SGK1: variants seen among roughly 807,000 people sequenced by gnomAD.
SGK1 encodes serine/threonine-protein kinase Sgk1.
In SGK1, 26 loss-of-function variants were observed where a neutral mutation model predicts 64.2. The observed-to-expected ratio is 0.40, with a 90% CI of 0.30 to 0.56. The LOEUF is 0.56. Among genes scored for constraint, SGK1 ranks in the 20% least tolerant of loss-of-function variants. The pLI, the probability that SGK1 is intolerant of heterozygous loss-of-function variation, is 0.38. For synonymous variants in SGK1, 265 were observed against 239.7 expected, an observed-to-expected ratio of 1.11 and a Z score of -0.98; for missense variants, 519 against 645.6, an observed-to-expected ratio of 0.80 and a Z score of 2.12.
intron 12 of SGK1, 39 bp downstream of exon 12, chr6:134,170,984 G>C: frequency 8.1e-6 from 13 of 1,612,162 alleles, no homozygotes; most frequent in Non-Finnish European, 1.1e-5. Flanking sequence ...TCTAGTGCAC[G>C]TCCCGGCCGG....
At chr6:134,177,980 T>C (rs1202886339) in intron 3 of SGK1, 4 of 685,230 alleles carry the variant, frequency 5.8e-6, no homozygotes, top group Non-Finnish European at 9.6e-6. Context: ...GTCATCAGTG[T>C]CCTAGCTTTA....
intron 1 of SGK1, among the ~76,000 whole-genome samples, chr6:134,309,141 T>C (rs1337760661): frequency 6.6e-6 from 1 of 152,222 alleles, no homozygotes; most frequent in Admixed American, 6.5e-5. Context: ...TTTTGGCACC[T>C]CGAACTACCA....
Position 134,293,407 on chromosome 6 carries a change from C to G in SGK1, c.69+23985G>C, listed in dbSNP as rs144115695. On this transcript the variant is annotated intron_variant, in intron 1 of 13. Transcript: ENST00000367858. Reference sequence around the variant, plus strand: ...AACTACTATTAAAAAGAAAAACAAGCAAAAACACCTAGGCTGTATGATTGA... The same window carrying G: ...AACTACTATTAAAAAGAAAAACAAGGAAAAACACCTAGGCTGTATGATTGA... Among the ~76,000 whole-genome samples the G allele has an allele frequency of 4.3e-3, 650 of 152,138 alleles. 5 individuals carry two copies. The highest frequency in any genetic ancestry group is 0.015 in the African/African-American group (622 of 41,534).
intron 1 of SGK1, among the ~76,000 whole-genome samples, chr6:134,307,637 G>C (rs186324168): frequency 6.6e-6 from 1 of 152,248 alleles, no homozygotes; most frequent in Non-Finnish European, 1.5e-5. Flanking sequence ...TTGTTATACT[G>C]TATTGCTTAG....
intron 2 of SGK1, among the ~76,000 whole-genome samples, chr6:134,238,892 G>A (rs1282399651): frequency 3.9e-5 from 6 of 152,070 alleles, no homozygotes; most frequent in African/African-American, 1.2e-4. Flanking sequence ...CGTCTCAGAC[G>A]GCCACCAATC....
chr6:134,172,445 G>T, intron 9 of SGK1, 129 bp from the exon 10 acceptor site: 1 of 955,758 alleles, frequency 1.0e-6, no homozygotes. Flanking sequence ...GAAGAAAAAA[G>T]GGAGCCCTTG....
chr6:134,176,028 C>CA (rs1388778626), intron 3 of SGK1: 67 of 1,005,372 alleles, frequency 6.7e-5, no homozygotes, highest in Non-Finnish European at 2.0e-5. Context: ...TCTCTGAGAA[C>CA]ATTTTGTCCG....
chr6:134,189,667 A>G (rs1775477737), intron 3 of SGK1, among the ~76,000 whole-genome samples: 1 of 152,222 alleles, frequency 6.6e-6, no homozygotes, highest in African/African-American at 2.4e-5. Flanking sequence ...GCACAAGCAC[A>G]GATCATCACA....
At chr6:134,276,055 T>C (rs1409686487) in intron 1 of SGK1, among the ~76,000 whole-genome samples, 1 of 152,198 alleles carries the variant, frequency 6.6e-6, no homozygotes, top group Non-Finnish European at 1.5e-5. Flanking sequence ...TTCTGTGTGT[T>C]CCCTCTTCCT....
rs536080325 is a variant in SGK1 at position 134,213,605 on chromosome 6, A to T, written c.286-6174T>A. Among the ~76,000 whole-genome samples, 8 of 111,986 alleles carry T rather than the reference A, an allele frequency of 7.1e-5. 1 individual carries two copies. In the South Asian group the frequency reaches 1.7e-3, roughly 23 times the overall value. The allele number at this position is 111,986 out of a possible 152,430, so 73.5% of individuals were successfully genotyped here. A position where few individuals can be genotyped will look rare whatever the true frequency, so the allele number is the denominator to read the frequency against. On this transcript the variant is annotated intron_variant, in intron 2 of 13. Coordinates refer to ENST00000367858, the MANE Select transcript of SGK1 (RefSeq NM_001143676.3). Reference sequence around the variant, plus strand: ...TTCCAGCCTGGGTGACAAGAGCAAAACTCTGTCTCAAAATAAATAAATAAA... The same window carrying T: ...TTCCAGCCTGGGTGACAAGAGCAAATCTCTGTCTCAAAATAAATAAATAAA...
chr6:134,217,260 T>G, intron 2 of SGK1, among the ~76,000 whole-genome samples: 1 of 152,154 alleles, frequency 6.6e-6, no homozygotes, highest in Non-Finnish European at 1.5e-5. Context: ...ATTTCATGGC[T>G]TTGGAATTTG....
intron 2 of SGK1, among the ~76,000 whole-genome samples, chr6:134,223,298 G>A (rs1171492565): frequency 6.6e-6 from 1 of 151,788 alleles, no homozygotes; most frequent in Non-Finnish European, 1.5e-5. Context: ...AACCCGGGAG[G>A]TGGAGGTTGC....
chr6:134,235,058 T>C (rs1776341808), intron 2 of SGK1, among the ~76,000 whole-genome samples: 1 of 152,190 alleles, frequency 6.6e-6, no homozygotes, highest in East Asian at 1.9e-4. Context: ...TCTATGAATT[T>C]ATAGAGAGCT....
intron 2 of SGK1, among the ~76,000 whole-genome samples, chr6:134,219,871 A>G (rs1025632698): frequency 6.8e-6 from 1 of 147,066 alleles, no homozygotes; most frequent in African/African-American, 2.5e-5. Flanking sequence ...CATCCCGGCT[A>G]AAACGGTGAA....
chr6:134,229,409 AC>A (rs1406264643), intron 2 of SGK1, among the ~76,000 whole-genome samples: 5 of 152,252 alleles, frequency 3.3e-5, no homozygotes, highest in African/African-American at 9.6e-5. Flanking sequence ...ATGGATCTAA[AC>A]AGTTTATTAC....
intron 2 of SGK1, among the ~76,000 whole-genome samples, chr6:134,229,083 G>T (rs1776237207): frequency 6.6e-6 from 1 of 152,144 alleles, no homozygotes; most frequent in African/African-American, 2.4e-5. Flanking sequence ...CGCCCGCCTT[G>T]GCCTCCCAAA....
At chr6:134,316,811 T>TA (rs1777692888) in intron 1 of SGK1, among the ~76,000 whole-genome samples, 2 of 142,382 alleles carry the variant, frequency 1.4e-5, no homozygotes, top group Admixed American at 7.0e-5. Context: ...TGAGGCAACT[T>TA]AAAATAGACA....
At chr6:134,193,050 C>T (rs1223781769) in intron 3 of SGK1, among the ~76,000 whole-genome samples, 4 of 152,138 alleles carry the variant, frequency 2.6e-5, no homozygotes, top group Admixed American at 2.6e-4. Flanking sequence ...AGATAAAACA[C>T]TTGTTATTAA....
At chr6:134,215,089 A>C in intron 2 of SGK1, 1 of 455,546 alleles carries the variant, frequency 2.2e-6, no homozygotes, top group Non-Finnish European at 4.4e-6. Context: ...AGTTTTGCAG[A>C]GAATCTGGAA....
Sources: allele counts gnomAD v4.1 joint callset (sites outside exome capture counted in the v4.1 genomes callset), GRCh38; gene constraint gnomAD v4.1.1; transcripts MANE v1.5; gene names NCBI Gene and HGNC (gene_info 2026-07-23, HGNC 2026-07-21).